Variants in KLF13 observed in about 807,000 individuals in gnomAD.
KLF13 encodes the protein Krueppel-like factor 13.
Under a neutral mutation model 16.7 loss-of-function variants are expected in KLF13, and 8 were observed. That is an observed-to-expected ratio of 0.48 (90% CI 0.28 to 0.87). The LOEUF (loss-of-function observed/expected upper bound fraction) is 0.87. Ranked by LOEUF, KLF13 falls within the 40% of genes least tolerant of loss-of-function variation. KLF13 has a pLI of 0.10. For synonymous variants in KLF13, 245 were observed against 208.4 expected (o/e 1.18, Z -1.51); for missense variants, 447 against 452.2 (o/e 0.99, Z 0.10).
chr15:31,420,479 T>G (rs1000278061), intron 1 of KLF13: 35 of 738,916 alleles, frequency 4.7e-5, no homozygotes, highest in Admixed American at 1.5e-4. Context: ...CCTGGATATC[T>G]GGAAAGACAA....
chr15:31,332,002 C>T (rs796968081), intron 1 of KLF13, among the ~76,000 whole-genome samples: 11 of 152,320 alleles, frequency 7.2e-5, no homozygotes, highest in African/African-American at 2.6e-4. Flanking sequence ...TATATGGCTG[C>T]ATTGTAACTT....
chr15:31,375,660 G>T lies in KLF13; in HGVS notation c.*3361G>T, dbSNP rs551393024. 1.4e-4 allele frequency: 21 copies of T among 152,260 alleles called. No individual in the cohort carries two copies. In the South Asian group the frequency reaches 4.1e-3, roughly 30 times the overall value. 9.4% of individuals were successfully genotyped at this position (152,260 alleles called of 1,614,324 possible). A position where few individuals can be genotyped will look rare whatever the true frequency, so the allele number is the denominator to read the frequency against. ...GACAAGGAAGCCCCTCTTTACATCA[G>T]CCATATTAGGGGAACGGTTGTCAGC... On this transcript the variant is annotated 3_prime_UTR_variant, in exon 2 of 2. Transcript: ENST00000307145.
At position 31,327,440 on chromosome 15, in the gene KLF13, G is replaced by A. The variant is rs2038732832; in HGVS notation, c.228G>A (p.Pro76=). The A allele has an allele frequency of 2.4e-6, 3 of 1,251,076 alleles. No homozygotes were observed. The highest frequency in any genetic ancestry group is 3.2e-5 in the African/African-American group (2 of 63,002). The allele number at this position is 1,251,076 out of a possible 1,614,324, so 77.5% of individuals were successfully genotyped here. The change falls in exon 1 of 2, where the codon CCG becomes CCA. Residue 76 remains proline (P), a synonymous_variant. Coordinates refer to ENST00000307145, the MANE Select transcript of KLF13 (RefSeq NM_015995.4). The part of the protein sequence containing the change: ...RILADLNQQA[P]APAPAERREG... ...TAGCGGACCTCAACCAGCAAGCGCC[G>A]GCGCCCGCCCCGGCGGAGCGCAGGG...
chr15:31,432,271 T>C (rs1356289634), intron 1 of KLF13, among the ~76,000 whole-genome samples: 19 of 152,004 alleles, frequency 1.2e-4, no homozygotes, highest in Admixed American at 1.2e-3. Flanking sequence ...CTCTCTCTGC[T>C]CCCTGTTTTC....
Position 31,357,089 on chromosome 15 carries a change from C to G in KLF13, c.578-14921C>G, listed in dbSNP as rs553815764. Among the ~76,000 whole-genome samples the G allele has an allele frequency of 3.3e-5, 5 of 152,358 alleles. No homozygotes were observed. In the South Asian group the frequency reaches 1.0e-3, roughly 32 times the overall value. The stretch of plus-strand genomic sequence containing the variant: ...TTCTGTGAAATTCTCTCAGTGTTCT[C>G]TCCCAACCCTGCTATTGGGATTTTT... On this transcript the variant is annotated intron_variant, in intron 1 of 1. Transcript: ENST00000307145.
At chr15:31,379,181 G>T (rs936578983), downstream of KLF13, among the ~76,000 whole-genome samples, 1 of 152,212 alleles carries the variant, frequency 6.6e-6, no homozygotes, top group African/African-American at 2.4e-5. Flanking sequence ...CATAGACTGG[G>T]GGGAGGGAGG....
At chr15:31,401,200 A>G (rs1227965502) in intron 2 of KLF13, among the ~76,000 whole-genome samples, 2 of 152,076 alleles carry the variant, frequency 1.3e-5, no homozygotes, top group South Asian at 2.1e-4. Flanking sequence ...GGGTTTCACC[A>G]TGTTGCCCAG....
In KLF13 at chr15:31,327,581, CGAGCCGGAGCCCGAGGCGGGGCTG is replaced by C; in HGVS notation, c.375_398del (p.Pro127_Glu134del). On this transcript the variant is annotated inframe_deletion, in exon 1 of 2. Transcript: ENST00000307145. Reference sequence around the variant, plus strand: ...CCGCGCCCCCCAGCCCGGCGTGGAGCGAGCCGGAGCCCGAGGCGGGGCTGGAGCCCGAGCGGGAGCCGGGGCCCG... The same window carrying C: ...CCGCGCCCCCCAGCCCGGCGTGGAGCGAGCCCGAGCGGGAGCCGGGGCCCG... 8.3e-7 allele frequency: 1 copy of C among 1,200,504 alleles called. No homozygotes were observed. The highest frequency in any genetic ancestry group is 1.0e-6 in the Non-Finnish European group (1 of 959,356). The allele number at this position is 1,200,504 out of a possible 1,614,324, so 74.4% of individuals were successfully genotyped here. A position where few individuals can be genotyped will look rare whatever the true frequency, so the allele number is the denominator to read the frequency against.
At chr15:31,413,905 T>C (rs887223601) in intron 1 of KLF13, among the ~76,000 whole-genome samples, 3 of 152,248 alleles carry the variant, frequency 2.0e-5, no homozygotes, top group Non-Finnish European at 2.9e-5. Flanking sequence ...CAGAATAATA[T>C]GTATATCATG....
At chr15:31,378,187 G>C (rs2039679524), downstream of KLF13, among the ~76,000 whole-genome samples, 2 of 152,164 alleles carry the variant, frequency 1.3e-5, no homozygotes, top group African/African-American at 4.8e-5. Context: ...GGTGATGGCA[G>C]ATTCCCTCAA....
intron 1 of KLF13, among the ~76,000 whole-genome samples, chr15:31,362,875 G>T (rs1186873984): frequency 6.6e-6 from 1 of 152,172 alleles, no homozygotes; most frequent in Non-Finnish European, 1.5e-5. Flanking sequence ...AGTTTGTAAA[G>T]AACTCATTCT....
intron 1 of KLF13, among the ~76,000 whole-genome samples, chr15:31,331,508 G>A (rs1197138918): frequency 6.8e-6 from 1 of 147,878 alleles, no homozygotes; most frequent in Non-Finnish European, 1.5e-5. Flanking sequence ...GCTCCCTGCA[G>A]GTCCTCCCTG....
At chr15:31,335,504 G>T (rs1255280285) in intron 1 of KLF13, among the ~76,000 whole-genome samples, 1 of 140,258 alleles carries the variant, frequency 7.1e-6, no homozygotes, top group East Asian at 2.3e-4. Context: ...GGCGGGGGGA[G>T]GGCACAGCAT....
downstream of KLF13, among the ~76,000 whole-genome samples, chr15:31,409,071 GGTC>G: frequency 6.6e-6 from 1 of 152,266 alleles, no homozygotes; most frequent in East Asian, 1.9e-4. Context: ...GATCACCTGA[GGTC>G]AGGAGTTCCA....
upstream of KLF13, among the ~76,000 whole-genome samples, chr15:31,391,546 T>C (rs1309811044): frequency 6.6e-6 from 1 of 152,066 alleles, no homozygotes; most frequent in Non-Finnish European, 1.5e-5. Context: ...AGCTCGGGGC[T>C]GGGCCAGGAG....
chr15:31,361,731 C>T (rs2039392179), intron 1 of KLF13, among the ~76,000 whole-genome samples: 1 of 152,096 alleles, frequency 6.6e-6, no homozygotes, highest in Non-Finnish European at 1.5e-5. Flanking sequence ...GCTGGCTGTG[C>T]AGGTGCTTGT....
chr15:31,327,676 G>T lies in KLF13; in HGVS notation c.464G>T (p.Arg155Leu). ...PGLRQRVRRG[R>L]SRADLESPQR... ...CTCAGACAAAGGGTCCGGCGGGGCC[G>T]AAGTCGCGCCGACCTCGAGTCCCCG... The change falls in exon 1 of 2, where the codon CGA becomes CTA. Residue 155 changes from arginine (R) to leucine (L), a missense_variant. Physicochemically the swap from Arg to Leu is moderately radical, Grantham distance 102 (BLOSUM62 -2). Coordinates refer to ENST00000307145, the MANE Select transcript of KLF13 (RefSeq NM_015995.4). 1 of 1,516,354 alleles carries T rather than the reference G, an allele frequency of 6.6e-7. No individual in the cohort carries two copies. The highest frequency in any genetic ancestry group is 1.2e-5 in the South Asian group (1 of 83,568). The allele number at this position is 1,516,354 out of a possible 1,614,324, so 93.9% of individuals were successfully genotyped here. A position where few individuals can be genotyped will look rare whatever the true frequency, so the allele number is the denominator to read the frequency against.
chr15:31,352,513 G>A (rs958927885), intron 1 of KLF13, among the ~76,000 whole-genome samples: 1 of 152,228 alleles, frequency 6.6e-6, no homozygotes, highest in Non-Finnish European at 1.5e-5. Flanking sequence ...AGCCTCAGCA[G>A]CTGCTGAGAT....
intron 1 of KLF13, among the ~76,000 whole-genome samples, chr15:31,328,890 T>G (rs1777716740): frequency 6.6e-6 from 1 of 152,212 alleles, no homozygotes; most frequent in Admixed American, 6.5e-5. Context: ...GGGGGCAGGC[T>G]CAAAACCCGT....
Sources: allele counts gnomAD v4.1 joint callset (sites outside exome capture counted in the v4.1 genomes callset), GRCh38; gene constraint gnomAD v4.1.1; transcripts MANE v1.5; gene names NCBI Gene and HGNC (gene_info 2026-07-23, HGNC 2026-07-21).